ITSN1: variants seen among roughly 807,000 people sequenced by gnomAD.
ITSN1 encodes the protein intersectin-1.
A neutral mutation model predicts 239.8 loss-of-function variants in ITSN1; 58 were observed. The ratio of observed to expected loss-of-function variants is 0.24; its 90% CI spans 0.20 to 0.30. The LOEUF is 0.30. ITSN1 is among the 10% of genes least tolerant of loss of function. ITSN1 has a pLI of 1.00. For missense variants in ITSN1, 1,558 were observed against 2,103.3 expected (o/e 0.74, Z 5.07); for synonymous variants, 780 against 770.8 (o/e 1.01, Z -0.20).
intron 1 of ITSN1, among the ~76,000 whole-genome samples, chr21:33,651,601 A>T (rs1212636034): frequency 6.6e-6 from 1 of 152,252 alleles, no homozygotes; most frequent in Non-Finnish European, 1.5e-5. Flanking sequence ...AGAATTATTT[A>T]GCTTTATAAA....
At position 33,894,903 on chromosome 21, in the gene ITSN1, AGG is replaced by A. The variant is rs1986607046; in HGVS notation, c.*6604_*6605del. ...GGGTGGAGGGTCTCCCTGTAGGAGG[AGG>A]AAACTCGCTGTTTTCACTGGCAGAT... is the stretch of plus-strand genomic sequence containing the variant. On this transcript the variant is annotated 3_prime_UTR_variant, in exon 40 of 40. Coordinates refer to ENST00000381318, the MANE Select transcript of ITSN1 (RefSeq NM_003024.3). 2.0e-5 allele frequency: 3 copies of A among 152,232 alleles called. No individual in the cohort carries two copies. The highest frequency in any genetic ancestry group is 2.9e-5 in the Non-Finnish European group (2 of 68,074). The allele number at this position is 152,232 out of a possible 1,614,324, so 9.4% of individuals were successfully genotyped here.
intron 1 of ITSN1, among the ~76,000 whole-genome samples, chr21:33,691,832 A>G (rs548089660): frequency 6.6e-6 from 1 of 152,278 alleles, no homozygotes; most frequent in East Asian, 1.9e-4. Flanking sequence ...CCCATTCATG[A>G]AGGCTCCACT....
At chr21:33,730,622 G>A (rs1256134965) in intron 4 of ITSN1, among the ~76,000 whole-genome samples, 2 of 151,744 alleles carry the variant, frequency 1.3e-5, no homozygotes, top group Non-Finnish European at 2.9e-5. Context: ...GGCTGGTCTT[G>A]AACTCCTGAC....
intron 20 of ITSN1, among the ~76,000 whole-genome samples, chr21:33,807,365 G>A (rs2072536379): frequency 6.6e-6 from 1 of 152,188 alleles, no homozygotes; most frequent in Admixed American, 6.5e-5. Context: ...GTCCACCAGT[G>A]TCTCGCTCTG....
At chr21:33,837,670 G>A (rs916380360) in intron 29 of ITSN1, 95 of 985,754 alleles carry the variant, frequency 9.6e-5, no homozygotes, top group Non-Finnish European at 1.1e-4. Flanking sequence ...CTGTACATAA[G>A]AAATTAGTTC....
At chr21:33,838,647 G>T (rs956539995) in intron 29 of ITSN1, 30 of 173,778 alleles carry the variant, frequency 1.7e-4, no homozygotes, top group Non-Finnish European at 3.2e-4. Context: ...GGCTCGCCGA[G>T]TCTTTGTTGA....
intron 1 of ITSN1, among the ~76,000 whole-genome samples, chr21:33,704,526 T>G (rs1167295604): frequency 6.6e-6 from 1 of 152,178 alleles, no homozygotes; most frequent in East Asian, 1.9e-4. Flanking sequence ...AAACTGTGTT[T>G]TAGTCTCTGG....
At chr21:33,645,748 GTGT>G (rs2087882170) in intron 1 of ITSN1, among the ~76,000 whole-genome samples, 1 of 152,230 alleles carries the variant, frequency 6.6e-6, no homozygotes, top group African/African-American at 2.4e-5. Context: ...CCTGGAATTG[GTGT>G]TGTTAATGCA....
chr21:33,754,696 G>GAAAGTGAAGCTGTCTCCATTCCC (rs2067792899), intron 7 of ITSN1, among the ~76,000 whole-genome samples: 1 of 152,210 alleles, frequency 6.6e-6, no homozygotes, highest in East Asian at 1.9e-4. Flanking sequence ...TTGTAGTCGA[G>GAAAGTGAAGCTGTCTCCATTCCC]AAAGTGAAGC....
In ITSN1 at chr21:33,782,044, C is replaced by T. The variant is rs371785092; in HGVS notation, c.1735C>T (p.Arg579Trp). ...AGCCTTAGAAGCAAAAGAACTAGCT[C>T]GGCAGCACCTACGAGACCAACTGGA... Reference protein sequence around the residue: ...KRALEAKELARQHLRDQLDEV... With the variant: ...KRALEAKELAWQHLRDQLDEV... The change falls in exon 16 of 40, where the codon CGG becomes TGG. Residue 579 changes from arginine (R) to tryptophan (W), a missense_variant. By Grantham distance (101) the Arg-to-Trp change is moderately radical. This residue lies in a region of ITSN1 where 982 missense variants were observed against 1,209.9 expected (regional missense o/e 0.81). Transcript: ENST00000381318. 6 of 1,613,564 alleles carry T rather than the reference C, an allele frequency of 3.7e-6. No individual in the cohort carries two copies. Among genetic ancestry groups the T allele is most frequent in the East Asian group, 2.2e-5 (1 of 44,876 alleles).
rs569030256 is a variant in ITSN1 at position 33,690,599 on chromosome 21, CA to C, written c.-32-28186del. Among the ~76,000 whole-genome samples the C allele has an allele frequency of 7.4e-3, 921 of 124,768 alleles. 7 individuals carry two copies. Among genetic ancestry groups the C allele is most frequent in the Non-Finnish European group, 9.9e-3 (572 of 57,958 alleles). The allele number at this position is 124,768 out of a possible 152,430, so 81.9% of individuals were successfully genotyped here. On this transcript the variant is annotated intron_variant, in intron 1 of 39. Transcript: ENST00000381318. ...TGGGCAACAGAGCGAGACTCCGTTT[CA>C]AAAAAAAAAAATTAGCCAGGCATGG...
intron 36 of ITSN1, 135 bp downstream of exon 36, chr21:33,883,806 G>A (rs1985330685): frequency 5.2e-6 from 5 of 970,828 alleles, no homozygotes; most frequent in Non-Finnish European, 7.3e-6. Flanking sequence ...TGGGGATGGG[G>A]CTATTACTTT....
chr21:33,816,373 C>T (rs2148242339), intron 22 of ITSN1, among the ~76,000 whole-genome samples: 1 of 152,232 alleles, frequency 6.6e-6, no homozygotes, highest in African/African-American at 2.4e-5. Context: ...ACTAAACTTC[C>T]TTCCCCCTCC....
At chr21:33,690,764 A>T (rs2146649681) in intron 1 of ITSN1, among the ~76,000 whole-genome samples, 1 of 96,068 alleles carries the variant, frequency 1.0e-5, no homozygotes, top group African/African-American at 4.4e-5. Flanking sequence ...CTGCCTCAGA[A>T]AAAAAAAAGT....
At chr21:33,762,237 A>G (rs1310425804) in intron 9 of ITSN1, among the ~76,000 whole-genome samples, 1 of 151,880 alleles carries the variant, frequency 6.6e-6, no homozygotes, top group Non-Finnish European at 1.5e-5. Context: ...ACTCGTGACC[A>G]GTCTTGGCTC....
intron 20 of ITSN1, among the ~76,000 whole-genome samples, chr21:33,809,396 A>C (rs1010324511): frequency 6.6e-6 from 1 of 152,226 alleles, no homozygotes; most frequent in Admixed American, 6.5e-5. Flanking sequence ...TGTAAATAAC[A>C]GGTAGAAATC....
At chr21:33,884,697 C>G (rs1238974671) in intron 36 of ITSN1, among the ~76,000 whole-genome samples, 1 of 152,182 alleles carries the variant, frequency 6.6e-6, no homozygotes, top group Non-Finnish European at 1.5e-5. Flanking sequence ...CGAGATCCTT[C>G]TGGCTTTGTT....
chr21:33,846,958 A>G (rs1602577520), intron 29 of ITSN1, among the ~76,000 whole-genome samples: 1 of 152,160 alleles, frequency 6.6e-6, no homozygotes, highest in Admixed American at 6.5e-5. Flanking sequence ...TTATGTATGT[A>G]TTTGGTTTTC....
At chr21:33,724,175 A>C (rs2065678019) in intron 4 of ITSN1, among the ~76,000 whole-genome samples, 1 of 151,954 alleles carries the variant, frequency 6.6e-6, no homozygotes, top group Admixed American at 6.6e-5. Flanking sequence ...TTTTTTGGGT[A>C]TCTGCTTTAT....
Sources: gnomAD v4.1 joint callset for allele counts (sites outside exome capture counted in the v4.1 genomes callset) on GRCh38, gnomAD v4.1.1 for gene constraint, gnomAD v4.1.1 regional missense constraint, MANE v1.5 for transcripts, NCBI Gene and HGNC (gene_info 2026-07-23, HGNC 2026-07-21) for gene names.